The following CTNND2 variants were observed in gnomAD, a reference collection of about 807,000 sequenced individuals.
CTNND2 encodes the protein catenin delta-2.
CTNND2 carries 22 observed loss-of-function variants against 144.4 expected under a neutral mutation model. That is an observed-to-expected ratio of 0.15 (90% CI 0.11 to 0.22). CTNND2 has a LOEUF of 0.22. CTNND2 is among the 10% of genes least tolerant of loss of function. The probability of loss-of-function intolerance (pLI) is 1.00; values close to 1 mark genes in which losing one functional copy is unlikely to be tolerated. For synonymous variants in CTNND2, 751 were observed against 695.6 expected (o/e 1.08, Z -1.25); for missense variants, 1,353 against 1,618.8 (o/e 0.84, Z 2.82).
chr5:11,685,207 T>G (rs1445818651), intron 2 of CTNND2, among the ~76,000 whole-genome samples: 2 of 152,174 alleles, frequency 1.3e-5, no homozygotes, highest in African/African-American at 4.8e-5. Context: ...CAAGTTCACA[T>G]GAGGGGCAGC....
At chr5:11,346,947 T>C (rs538761297) in intron 8 of CTNND2, among the ~76,000 whole-genome samples, 1 of 83,910 alleles carries the variant, frequency 1.2e-5, no homozygotes, top group African/African-American at 3.5e-5. Flanking sequence ...AGAGAATACT[T>C]TCTAAGGAGG....
At chr5:11,420,174 T>A (rs142477177) in intron 3 of CTNND2, among the ~76,000 whole-genome samples, 2,894 of 152,022 alleles carry the variant, frequency 0.019, 96 homozygotes, top group African/African-American at 0.067. Flanking sequence ...ATACAAAAAA[T>A]TAGCTGGATG....
chr5:11,744,946 G>T (rs1157871020), intron 1 of CTNND2, among the ~76,000 whole-genome samples: 1 of 151,828 alleles, frequency 6.6e-6, no homozygotes, highest in Non-Finnish European at 1.5e-5. Context: ...ATGTTGCCCA[G>T]GTGGGTCTCG....
At chr5:11,462,743 T>C (rs61758946) in intron 3 of CTNND2, among the ~76,000 whole-genome samples, 2,383 of 152,264 alleles carry the variant, frequency 0.016, 64 homozygotes, top group African/African-American at 0.054. Context: ...TTGTTGTTTT[T>C]AATAATTTTT....
intron 12 of CTNND2, among the ~76,000 whole-genome samples, chr5:11,145,400 G>A (rs564567116): frequency 2.0e-4 from 31 of 152,142 alleles, no homozygotes; most frequent in Middle Eastern, 3.4e-3. Context: ...AGAAACTGAG[G>A]CTCAGAGAGG....
At chr5:11,350,979 C>T (rs1477554510) in intron 8 of CTNND2, among the ~76,000 whole-genome samples, 2 of 152,078 alleles carry the variant, frequency 1.3e-5, no homozygotes, top group African/African-American at 2.4e-5. Flanking sequence ...TGGAAAAGTG[C>T]GTATGGCATT....
At chr5:11,018,952 C>A (rs767924393) in intron 17 of CTNND2, among the ~76,000 whole-genome samples, 1 of 152,082 alleles carries the variant, frequency 6.6e-6, no homozygotes, top group Non-Finnish European at 1.5e-5. Context: ...CGTGATCCAC[C>A]CGCCTCAGCC....
intron 8 of CTNND2, 59 bp downstream of exon 8, chr5:11,364,637 C>A: frequency 7.1e-7 from 1 of 1,414,148 alleles, no homozygotes; most frequent in East Asian, 2.5e-5. Context: ...GTTATTGAAG[C>A]TCCCGCGCAG....
At chr5:11,429,045 A>ATACCT (rs1490571759) in intron 3 of CTNND2, among the ~76,000 whole-genome samples, 1 of 152,192 alleles carries the variant, frequency 6.6e-6, no homozygotes, top group Non-Finnish European at 1.5e-5. Flanking sequence ...AACATAGCAT[A>ATACCT]TACCTTGATT....
intron 2 of CTNND2, among the ~76,000 whole-genome samples, chr5:11,711,303 C>G (rs560672358): frequency 2.6e-5 from 4 of 151,986 alleles, no homozygotes; most frequent in Non-Finnish European, 4.4e-5. Context: ...GTGATGCACC[C>G]GCCTTGGCCT....
chr5:11,615,890 C>T (rs1780556077), intron 2 of CTNND2, among the ~76,000 whole-genome samples: 1 of 152,108 alleles, frequency 6.6e-6, no homozygotes, highest in African/African-American at 2.4e-5. Flanking sequence ...TTCTCTTTTA[C>T]ACAAATATTC....
At chr5:11,286,764 T>G (rs1747803311) in intron 9 of CTNND2, among the ~76,000 whole-genome samples, 1 of 152,228 alleles carries the variant, frequency 6.6e-6, no homozygotes, top group South Asian at 2.1e-4. Flanking sequence ...CCAAGCATTT[T>G]AGACAACAAA....
intron 2 of CTNND2, among the ~76,000 whole-genome samples, chr5:11,683,663 C>A (rs1352048315): frequency 1.3e-5 from 2 of 152,192 alleles, no homozygotes. Context: ...TAATGCATAT[C>A]TTCTTGAACT....
intron 11 of CTNND2, among the ~76,000 whole-genome samples, chr5:11,185,147 T>G (rs1580524759): frequency 1.3e-5 from 2 of 152,236 alleles, no homozygotes; most frequent in South Asian, 4.1e-4. Context: ...GCCAAACCCA[T>G]ATGCATCTTT....
intron 16 of CTNND2, among the ~76,000 whole-genome samples, chr5:11,032,920 C>A (rs375908564): frequency 6.6e-6 from 1 of 152,182 alleles, no homozygotes; most frequent in African/African-American, 2.4e-5. Flanking sequence ...GGGAATAATT[C>A]TGTATTTTGA....
chr5:11,528,815 G>A (rs1198995875), intron 3 of CTNND2, among the ~76,000 whole-genome samples: 1 of 152,248 alleles, frequency 6.6e-6, no homozygotes, highest in Non-Finnish European at 1.5e-5. Context: ...AGTGGGGCAG[G>A]CACCTGCCCT....
chr5:11,578,900 T>A (rs1189229537), intron 2 of CTNND2, among the ~76,000 whole-genome samples: 1 of 152,166 alleles, frequency 6.6e-6, no homozygotes, highest in African/African-American at 2.4e-5. Flanking sequence ...GAGAAATATA[T>A]TTCCCTGCTG....
chr5:11,091,284 C>T (rs1424935685), intron 15 of CTNND2, among the ~76,000 whole-genome samples: 2 of 152,146 alleles, frequency 1.3e-5, no homozygotes, highest in African/African-American at 4.8e-5. Context: ...CTGTTAATCA[C>T]ACCCCATGTA....
At chr5:11,634,781 G>A (rs1242774481) in intron 2 of CTNND2, among the ~76,000 whole-genome samples, 1 of 152,142 alleles carries the variant, frequency 6.6e-6, no homozygotes, top group Non-Finnish European at 1.5e-5. Context: ...TAGAAAAGAG[G>A]GAGCACAGAA....
Sources: allele counts gnomAD v4.1 joint callset (sites outside exome capture counted in the v4.1 genomes callset), GRCh38; gene constraint gnomAD v4.1.1; transcripts MANE v1.5; gene names NCBI Gene and HGNC (gene_info 2026-07-23, HGNC 2026-07-21).